Variants in SPATA16 observed in about 807,000 individuals in gnomAD.
SPATA16 encodes the protein spermatogenesis-associated protein 16.
In SPATA16, 36 loss-of-function variants were observed where a neutral mutation model predicts 63.3. The observed-to-expected ratio is 0.57, with a 90% CI of 0.44 to 0.75. SPATA16 has a LOEUF of 0.75. Ranked by LOEUF, SPATA16 falls within the 30% of genes least tolerant of loss-of-function variation. The pLI is 0.00. For missense variants in SPATA16, 646 were observed against 679.3 expected (o/e 0.95, Z 0.54); for synonymous variants, 203 against 216.7 (o/e 0.94, Z 0.56).
chr3:173,031,644 A>G (rs1467277058), intron 3 of SPATA16, among the ~76,000 whole-genome samples: 6 of 152,038 alleles, frequency 3.9e-5, no homozygotes, highest in Non-Finnish European at 5.9e-5. Flanking sequence ...TGGGGTAGGT[A>G]AAAAATGAGA....
rs544795745 is a variant in SPATA16, at chr3:173,066,531, C to T, written c.613-17437G>A. Among the ~76,000 whole-genome samples, 4 of 152,288 alleles carry T rather than the reference C, an allele frequency of 2.6e-5. No individual in the cohort carries two copies. The East Asian group carries it at 5.8e-4, about 22-fold the overall frequency. Reference sequence around the variant, plus strand: ...TTTCCTAGTAAGCCAGGGAATTCTTCCTTATCTTACTCAAGTCCACTAAGG... The same window carrying T: ...TTTCCTAGTAAGCCAGGGAATTCTTTCTTATCTTACTCAAGTCCACTAAGG... On this transcript the variant is annotated intron_variant, in intron 2 of 10. Transcript: ENST00000351008.
At chr3:172,981,072 T>G (rs1409989834) in intron 4 of SPATA16, among the ~76,000 whole-genome samples, 2 of 152,204 alleles carry the variant, frequency 1.3e-5, no homozygotes. Context: ...CAGGCGCAAG[T>G]CATACAATAG....
chr3:172,916,182 T>A lies in SPATA16; in HGVS notation c.1503+135A>T, dbSNP rs902388425. ...TTTTTCAGTTTTGCCATTAGAATGC[T>A]TCAAGAAGGTTTGGGAGTTTGCCCT... On this transcript the variant is annotated intron_variant, in intron 9 of 10. Coordinates refer to ENST00000351008, the MANE Select transcript of SPATA16 (RefSeq NM_031955.6). The A allele has an allele frequency of 5.6e-6, 6 of 1,080,046 alleles. No individual in the cohort carries two copies. The African/African-American group carries it at 9.4e-5, about 17-fold the overall frequency. The allele number at this position is 1,080,046 out of a possible 1,614,324, so 66.9% of individuals were successfully genotyped here. A position where few individuals can be genotyped will look rare whatever the true frequency, so the allele number is the denominator to read the frequency against.
chr3:172,904,913 T>C (rs910842528), intron 10 of SPATA16, among the ~76,000 whole-genome samples: 2 of 152,130 alleles, frequency 1.3e-5, no homozygotes, highest in African/African-American at 4.8e-5. Context: ...CTGCCAGGAC[T>C]TTGGTTAAGG....
intron 10 of SPATA16, among the ~76,000 whole-genome samples, chr3:172,897,182 A>C (rs1340752104): frequency 6.6e-6 from 1 of 152,146 alleles, no homozygotes; most frequent in Non-Finnish European, 1.5e-5. Flanking sequence ...AGATGTGTAA[A>C]TGTTCCAGCA....
At chr3:173,130,212 T>C (rs777315909) in intron 1 of SPATA16, among the ~76,000 whole-genome samples, 10 of 151,750 alleles carry the variant, frequency 6.6e-5, no homozygotes, top group Non-Finnish European at 1.2e-4. Context: ...ATACAAAAAT[T>C]AGCTGGGCAT....
At chr3:173,054,256 A>T (rs1311620152) in intron 2 of SPATA16, among the ~76,000 whole-genome samples, 1 of 152,112 alleles carries the variant, frequency 6.6e-6, no homozygotes, top group Admixed American at 6.5e-5. Flanking sequence ...TGAATAAAAA[A>T]CACAGGACCC....
At chr3:173,134,830 A>G (rs957723262) in intron 1 of SPATA16, among the ~76,000 whole-genome samples, 1 of 152,258 alleles carries the variant, frequency 6.6e-6, no homozygotes, top group Admixed American at 6.5e-5. Context: ...ATCTTACATA[A>G]TGCACAAAAA....
At chr3:173,131,518 C>A (rs1738384703) in intron 1 of SPATA16, among the ~76,000 whole-genome samples, 1 of 152,050 alleles carries the variant, frequency 6.6e-6, no homozygotes, top group Non-Finnish European at 1.5e-5. Context: ...AATGTTGAAA[C>A]CTGTAAGCTT....
chr3:173,019,821 A>T (rs918888203), intron 3 of SPATA16, among the ~76,000 whole-genome samples: 12 of 152,234 alleles, frequency 7.9e-5, no homozygotes. Context: ...ATTTTTACAG[A>T]TATGACAATG....
At chr3:172,906,850 T>A (rs1732250447) in intron 10 of SPATA16, among the ~76,000 whole-genome samples, 1 of 152,176 alleles carries the variant, frequency 6.6e-6, no homozygotes, top group Non-Finnish European at 1.5e-5. Context: ...CAAGCAATTC[T>A]CCTGCCTCAG....
intron 2 of SPATA16, among the ~76,000 whole-genome samples, chr3:173,079,434 T>C (rs1736877853): frequency 1.3e-5 from 2 of 152,264 alleles, no homozygotes; most frequent in Middle Eastern, 3.4e-3. Context: ...CTATGATTAT[T>C]GCTAAAATAA....
intron 4 of SPATA16, among the ~76,000 whole-genome samples, chr3:172,988,826 C>T (rs946227014): frequency 3.9e-5 from 6 of 152,152 alleles, no homozygotes; most frequent in South Asian, 2.1e-4. Context: ...TTAGTAGAGA[C>T]GGGGTTTCAC....
At chr3:173,040,446 G>A (rs1021312396) in intron 3 of SPATA16, among the ~76,000 whole-genome samples, 7 of 152,070 alleles carry the variant, frequency 4.6e-5, no homozygotes, top group South Asian at 4.1e-4. Context: ...GTAGAGTCTC[G>A]TGATTTAAAA....
intron 5 of SPATA16, among the ~76,000 whole-genome samples, chr3:172,959,376 A>G (rs1011740619): frequency 6.6e-6 from 1 of 152,204 alleles, no homozygotes; most frequent in Non-Finnish European, 1.5e-5. Flanking sequence ...TTAATGCTCA[A>G]GGCATTGCCT....
intron 4 of SPATA16, among the ~76,000 whole-genome samples, chr3:172,985,819 G>T (rs1734440999): frequency 6.6e-6 from 1 of 152,142 alleles, no homozygotes. Flanking sequence ...GAGGAAGAAA[G>T]GGGGGAAACG....
At chr3:172,943,085 T>A (rs1252373223) in intron 6 of SPATA16, among the ~76,000 whole-genome samples, 1 of 152,136 alleles carries the variant, frequency 6.6e-6, no homozygotes, top group Non-Finnish European at 1.5e-5. Context: ...TGTTGAAAAT[T>A]ATTGACCCTA....
At chr3:172,972,659 C>T (rs1465484983) in intron 5 of SPATA16, among the ~76,000 whole-genome samples, 1 of 151,950 alleles carries the variant, frequency 6.6e-6, no homozygotes, top group Non-Finnish European at 1.5e-5. Flanking sequence ...ATTAGAGATC[C>T]TGCTGAAAAA....
chr3:173,136,770 G>C (rs1369442576), intron 1 of SPATA16, among the ~76,000 whole-genome samples: 1 of 152,102 alleles, frequency 6.6e-6, no homozygotes, highest in Non-Finnish European at 1.5e-5. Context: ...ATGACCGCAG[G>C]CTCAGCCTTA....
Sources: gnomAD v4.1 joint callset for allele counts (sites outside exome capture counted in the v4.1 genomes callset) on GRCh38, gnomAD v4.1.1 for gene constraint, MANE v1.5 for transcripts, NCBI Gene and HGNC (gene_info 2026-07-23, HGNC 2026-07-21) for gene names.